The following KCND3 variants were observed in gnomAD, a reference collection of about 807,000 sequenced individuals.
KCND3 encodes A-type voltage-gated potassium channel KCND3.
In KCND3, 9 loss-of-function variants were observed where a neutral mutation model predicts 51.1. The observed-to-expected ratio is 0.18, with a 90% confidence interval of 0.11 to 0.31. KCND3 has a LOEUF of 0.31. Ranked by LOEUF, KCND3 falls within the 10% of genes least tolerant of loss-of-function variation. The pLI, the probability that KCND3 is intolerant of heterozygous loss-of-function variation, is 1.00. For synonymous variants in KCND3, 349 were observed against 368.0 expected, an observed-to-expected ratio of 0.95 and a Z score of 0.59; for missense variants, 526 against 903.8, an observed-to-expected ratio of 0.58 and a Z score of 5.36.
chr1:111,931,223 A>G (rs987104591), intron 2 of KCND3, among the ~76,000 whole-genome samples: 10 of 152,216 alleles, frequency 6.6e-5, no homozygotes, highest in African/African-American at 2.2e-4. Context: ...GTAGGTGGGA[A>G]AGAGGTGAGA....
At chr1:111,842,498 T>C (rs1235864896) in intron 2 of KCND3, among the ~76,000 whole-genome samples, 1 of 151,960 alleles carries the variant, frequency 6.6e-6, no homozygotes, top group African/African-American at 2.4e-5. Flanking sequence ...CTGGGAAAGA[T>C]GCAGTGGGGG....
intron 2 of KCND3, among the ~76,000 whole-genome samples, chr1:111,968,889 C>A (rs1009499736): frequency 1.3e-5 from 2 of 152,086 alleles, no homozygotes; most frequent in Admixed American, 1.3e-4. Flanking sequence ...AACTCCCAGT[C>A]CAGGACACTA....
chr1:111,982,815 G>T lies in KCND3; in HGVS notation c.-72-17C>A. The stretch of plus-strand genomic sequence containing the variant: ...CAGCAAACCCTGGGAGACAGGAGGG[G>T]AGAGAGAGAAGCGGTGAGTCCATAT... On this transcript the variant is annotated splice_polypyrimidine_tract_variant and intron_variant, in intron 1 of 7. Coordinates refer to ENST00000302127, the MANE Select transcript of KCND3 (RefSeq NM_001378969.1). The surrounding 1 kb of genome is among the most constrained non-coding windows in gnomAD (Gnocchi z 8.5). 1 of 1,510,710 alleles carries T rather than the reference G, an allele frequency of 6.6e-7. No individual in the cohort carries two copies. The highest frequency in any genetic ancestry group is 8.9e-7 in the Non-Finnish European group (1 of 1,124,486). 93.6% of individuals were successfully genotyped at this position (1,510,710 alleles called of 1,614,324 possible).
At chr1:111,856,136 C>T (rs1260808229) in intron 2 of KCND3, among the ~76,000 whole-genome samples, 1 of 152,224 alleles carries the variant, frequency 6.6e-6, no homozygotes, top group Non-Finnish European at 1.5e-5. Flanking sequence ...GGACTGCCTC[C>T]GCACTCTGCA....
At chr1:111,965,488 A>ACACACACACACACACACACACACC (rs1557752929) in intron 2 of KCND3, among the ~76,000 whole-genome samples, 2 of 148,932 alleles carry the variant, frequency 1.3e-5, no homozygotes, top group African/African-American at 2.5e-5. Context: ...ACACACACAC[A>ACACACACACACACACACACACACC]CGCCAGGAGC....
chr1:111,859,379 C>T (rs918776837), intron 2 of KCND3, among the ~76,000 whole-genome samples: 6 of 152,188 alleles, frequency 3.9e-5, no homozygotes, highest in African/African-American at 9.7e-5. Flanking sequence ...GGACTGGCAT[C>T]GCGGGAAAGG....
chr1:111,915,534 C>A (rs889921429), intron 2 of KCND3, among the ~76,000 whole-genome samples: 1 of 151,926 alleles, frequency 6.6e-6, no homozygotes, highest in Non-Finnish European at 1.5e-5. Flanking sequence ...GGGAGGATCA[C>A]GAGGTCAGGA....
At chr1:111,918,843 G>A (rs1358869299) in intron 2 of KCND3, among the ~76,000 whole-genome samples, 1 of 152,070 alleles carries the variant, frequency 6.6e-6, no homozygotes, top group East Asian at 1.9e-4. Context: ...TTATTTTTCT[G>A]TGCATGGGTT....
intron 2 of KCND3, among the ~76,000 whole-genome samples, chr1:111,933,906 C>T (rs1201340722): frequency 6.6e-6 from 1 of 152,220 alleles, no homozygotes; most frequent in Non-Finnish European, 1.5e-5. Context: ...ACTTTAAAAA[C>T]AATCCCAACC....
chr1:111,962,164 C>A (rs1255447169), intron 2 of KCND3, among the ~76,000 whole-genome samples: 1 of 152,232 alleles, frequency 6.6e-6, no homozygotes, highest in Non-Finnish European at 1.5e-5. Flanking sequence ...ATCATCACAG[C>A]AATCCTCATT....
intron 7 of KCND3, among the ~76,000 whole-genome samples, chr1:111,776,772 A>G (rs1473112557): frequency 6.6e-6 from 1 of 151,918 alleles, no homozygotes; most frequent in Admixed American, 6.6e-5. Context: ...TTATATGTAT[A>G]TATATAATTA....
At chr1:111,854,714 A>G (rs773726851) in intron 2 of KCND3, among the ~76,000 whole-genome samples, 9 of 152,130 alleles carry the variant, frequency 5.9e-5, no homozygotes, top group Admixed American at 6.5e-5. Flanking sequence ...CACATTTGCA[A>G]ATTGCTTCAT....
chr1:111,827,903 A>C (rs1666650512), intron 2 of KCND3, among the ~76,000 whole-genome samples: 1 of 152,170 alleles, frequency 6.6e-6, no homozygotes, highest in South Asian at 2.1e-4. Context: ...TCTTTTTTCT[A>C]GAGCCCTGGG....
At chr1:111,827,485 C>T (rs561788937) in intron 2 of KCND3, among the ~76,000 whole-genome samples, 7 of 152,288 alleles carry the variant, frequency 4.6e-5, no homozygotes, top group African/African-American at 1.7e-4. Context: ...TGTTACCTGC[C>T]TCCATCGCAA....
At chr1:111,856,244 T>C (rs927343490) in intron 2 of KCND3, among the ~76,000 whole-genome samples, 1 of 152,204 alleles carries the variant, frequency 6.6e-6, no homozygotes, top group Non-Finnish European at 1.5e-5. Context: ...GGGAGATGTT[T>C]TCAGAAGTTT....
intron 2 of KCND3, among the ~76,000 whole-genome samples, chr1:111,884,020 C>T (rs1332331207): frequency 1.3e-5 from 2 of 152,184 alleles, no homozygotes; most frequent in African/African-American, 2.4e-5. Context: ...ATGCTTTTCC[C>T]ATTACACAGG....
chr1:111,776,906 C>T, intron 7 of KCND3, 120 bp downstream of exon 7: 3 of 1,539,346 alleles, frequency 1.9e-6, no homozygotes, highest in South Asian at 1.2e-5. Flanking sequence ...TAGAGGGGCT[C>T]ATGCATTAGA....
At chr1:111,941,765 T>C (rs1385492205) in intron 2 of KCND3, among the ~76,000 whole-genome samples, 3 of 152,144 alleles carry the variant, frequency 2.0e-5, no homozygotes, top group Non-Finnish European at 4.4e-5. Context: ...GCAACTGAAA[T>C]ATGGTCTTTG....
At chr1:111,852,992 T>C (rs1230350211) in intron 2 of KCND3, among the ~76,000 whole-genome samples, 1 of 152,218 alleles carries the variant, frequency 6.6e-6, no homozygotes, top group African/African-American at 2.4e-5. Flanking sequence ...AGCATGATTC[T>C]TAGAGTCATA....
Sources: allele counts gnomAD v4.1 joint callset (sites outside exome capture counted in the v4.1 genomes callset), GRCh38; gene constraint gnomAD v4.1.1; non-coding constraint Gnocchi (gnomAD v3.1); transcripts MANE v1.5; gene names NCBI Gene and HGNC (gene_info 2026-07-23, HGNC 2026-07-21).